Variants in NTM observed in about 807,000 individuals in gnomAD.
NTM encodes IgLON family member 2.
A neutral mutation model predicts 42.1 loss-of-function variants in NTM; 13 were observed. That is an observed-to-expected ratio of 0.31 (90% confidence interval 0.20 to 0.49). The LOEUF (loss-of-function observed/expected upper bound fraction) is 0.49, where lower values mean the gene tolerates loss of function less well. Among genes scored for constraint, NTM ranks in the 20% least tolerant of loss-of-function variants. The pLI is 0.99. For missense variants in NTM, 373 were observed against 452.8 expected (o/e 0.82, Z 1.60); for synonymous variants, 187 against 179.2 (o/e 1.04, Z -0.35).
At chr11:132,180,104 A>G (rs183043367) in intron 3 of NTM, among the ~76,000 whole-genome samples, 3 of 152,316 alleles carry the variant, frequency 2.0e-5, no homozygotes, top group African/African-American at 7.2e-5. Context: ...TACAAAAGGG[A>G]TTGATTGTCT....
rs1293270134 is a variant in NTM at position 132,314,604 on chromosome 11, A to AAACTC, written c.837_841dup (p.Ile281AsnfsTer35). The AAACTC allele has an allele frequency of 6.2e-7, 1 of 1,613,886 alleles. No individual in the cohort carries two copies. The highest frequency in any genetic ancestry group is 8.5e-7 in the Non-Finnish European group (1 of 1,179,932). On this transcript the variant is annotated frameshift_variant, in exon 7 of 9. Coordinates refer to ENST00000683400, the MANE Select transcript of NTM (RefSeq NM_001352005.2). LOFTEE classifies it high-confidence loss of function. ...AGTGGAAAACAGACCTTTCCTCTCAAAACTCATCTTCTTCAATGTCTCTGA... is the reference window on the plus strand; with the variant it reads ...AGTGGAAAACAGACCTTTCCTCTCAAAACTCAACTCATCTTCTTCAATGTCTCTGA...
chr11:131,958,031 C>G (rs2061742361), intron 2 of NTM, among the ~76,000 whole-genome samples: 1 of 152,114 alleles, frequency 6.6e-6, no homozygotes, highest in South Asian at 2.1e-4. Flanking sequence ...AAAAAAAATG[C>G]ATTAGCGAGA....
At position 131,568,143 on chromosome 11, in the gene NTM, C is replaced by T. The variant is rs555365917; in HGVS notation, c.82+197255C>T. ...GGTAAGGAAAGTAAGTTCAATTTGC[C>T]TAAATCATTATTAATTATTCATAAA... On this transcript the variant is annotated intron_variant, in intron 1 of 8. Transcript: ENST00000683400. Among the ~76,000 whole-genome samples, 3 of 152,254 alleles carry T rather than the reference C, an allele frequency of 2.0e-5. No individual in the cohort carries two copies. In the South Asian group the frequency reaches 6.2e-4, roughly 32 times the overall value.
rs963270198 is a variant in NTM, at chr11:131,379,214, T to C, written c.82+8326T>C. Among the ~76,000 whole-genome samples, 5 of 152,202 alleles carry C rather than the reference T, an allele frequency of 3.3e-5. No individual in the cohort carries two copies. In the East Asian group the frequency reaches 9.6e-4, roughly 29 times the overall value. On this transcript the variant is annotated intron_variant, in intron 1 of 8. Coordinates refer to ENST00000683400, the MANE Select transcript of NTM (RefSeq NM_001352005.2). ...AGATACTTTATTTCAGTTCCTCTTT[T>C]GGGCTCTGACCCCTCAACAATGCAG...
chr11:132,077,828 T>A (rs922393768), intron 2 of NTM, among the ~76,000 whole-genome samples: 3 of 152,196 alleles, frequency 2.0e-5, no homozygotes, highest in Non-Finnish European at 4.4e-5. Context: ...CTCAAACTCC[T>A]TGCCTCAAGC....
At chr11:131,627,547 T>C (rs187004604) in intron 1 of NTM, among the ~76,000 whole-genome samples, 1 of 152,136 alleles carries the variant, frequency 6.6e-6, no homozygotes, top group East Asian at 1.9e-4. Context: ...TTAAACCTCA[T>C]CTGGGCGGGC....
intron 1 of NTM, among the ~76,000 whole-genome samples, chr11:131,853,282 G>T (rs562722192): frequency 2.0e-5 from 3 of 152,180 alleles, no homozygotes; most frequent in East Asian, 1.9e-4. Context: ...GGATGTGCAG[G>T]TTTGTTACAT....
intron 1 of NTM, among the ~76,000 whole-genome samples, chr11:131,555,562 GA>G (rs1592037970): frequency 6.6e-6 from 1 of 152,328 alleles, no homozygotes; most frequent in Non-Finnish European, 1.5e-5. Flanking sequence ...CATACCCAAT[GA>G]CAGGTAGATT....
intron 1 of NTM, among the ~76,000 whole-genome samples, chr11:131,824,767 G>T (rs1243368017): frequency 2.0e-5 from 3 of 152,214 alleles, no homozygotes; most frequent in Non-Finnish European, 4.4e-5. Context: ...TCTTTATTTG[G>T]CTATGGAACT....
intron 2 of NTM, among the ~76,000 whole-genome samples, chr11:132,022,488 A>G (rs1287787838): frequency 6.6e-6 from 1 of 152,220 alleles, no homozygotes; most frequent in Non-Finnish European, 1.5e-5. Context: ...GTACACTCTT[A>G]GTCCCACGTG....
chr11:131,776,225 C>T (rs2086947515), intron 1 of NTM, among the ~76,000 whole-genome samples: 1 of 152,216 alleles, frequency 6.6e-6, no homozygotes. Context: ...CTTTTAAAGT[C>T]TTATTTCACA....
rs144974434 is a variant in NTM, at chr11:131,843,095, G to A, written c.83-68469G>A. On this transcript the variant is annotated intron_variant, in intron 1 of 8. Coordinates refer to ENST00000683400, the MANE Select transcript of NTM (RefSeq NM_001352005.2). Reference sequence around the variant, plus strand: ...TTCCAAACATATAGGAAAATATGATGAATAATAAAAAAGTTGCTAGCTACC... The same window carrying A: ...TTCCAAACATATAGGAAAATATGATAAATAATAAAAAAGTTGCTAGCTACC... Among the ~76,000 whole-genome samples, 72 of 152,076 alleles carry A rather than the reference G, an allele frequency of 4.7e-4. No homozygotes were observed. The East Asian group carries it at 0.014, about 29-fold the overall frequency.
intron 1 of NTM, among the ~76,000 whole-genome samples, chr11:131,569,574 CTTT>C (rs371565373): frequency 6.8e-4 from 89 of 130,882 alleles, no homozygotes; most frequent in African/African-American, 2.5e-3. Context: ...TTTCTTCTCT[CTTT>C]TTTTTTTTTT....
intron 4 of NTM, among the ~76,000 whole-genome samples, chr11:132,258,509 A>G (rs1261895441): frequency 1.3e-5 from 2 of 152,124 alleles, no homozygotes; most frequent in South Asian, 2.1e-4. Context: ...GCACTCTCTC[A>G]AAACTAGGGA....
At chr11:132,110,274 A>C (rs530799097) in intron 2 of NTM, among the ~76,000 whole-genome samples, 59 of 152,366 alleles carry the variant, frequency 3.9e-4, no homozygotes, top group African/African-American at 1.3e-3. Context: ...TGAATGAATG[A>C]TTACATAAGT....
intron 2 of NTM, among the ~76,000 whole-genome samples, chr11:132,013,299 G>A (rs2072642556): frequency 6.6e-6 from 1 of 152,040 alleles, no homozygotes; most frequent in African/African-American, 2.4e-5. Flanking sequence ...TTTTAAGAGG[G>A]GACCTATTAA....
rs923336641 is a variant in NTM, at chr11:131,758,757, C to A, written c.83-152807C>A. On this transcript the variant is annotated intron_variant, in intron 1 of 8. Transcript: ENST00000683400. ...ACAGGCACACACCACCGTCCCAGCT[C>A]ACTTTTGTATTTTTAGTAGAGAAGG... is the stretch of plus-strand genomic sequence containing the variant. Among the ~76,000 whole-genome samples the A allele has an allele frequency of 2.6e-5, 4 of 151,976 alleles. No individual in the cohort carries two copies. In the East Asian group the frequency reaches 7.8e-4, roughly 30 times the overall value.
At chr11:131,509,789 A>C (rs575974878) in intron 1 of NTM, among the ~76,000 whole-genome samples, 28 of 152,226 alleles carry the variant, frequency 1.8e-4, no homozygotes, top group Non-Finnish European at 3.5e-4. Flanking sequence ...ATAGAGCTCA[A>C]AGAGGTAAAG....
At chr11:131,665,993 T>C (rs2068978715) in intron 1 of NTM, among the ~76,000 whole-genome samples, 2 of 152,258 alleles carry the variant, frequency 1.3e-5, no homozygotes, top group South Asian at 2.1e-4. Context: ...TCAATTTCTC[T>C]TAATGGTCAT....
Sources: allele counts gnomAD v4.1 joint callset (sites outside exome capture counted in the v4.1 genomes callset), GRCh38; gene constraint gnomAD v4.1.1; transcripts MANE v1.5; gene names NCBI Gene and HGNC (gene_info 2026-07-23, HGNC 2026-07-21).